Variants in KCNMB4 observed in about 807,000 individuals in gnomAD.
KCNMB4 encodes calcium-activated potassium channel subunit beta-4.
In KCNMB4, 3 loss-of-function variants were observed where a neutral mutation model predicts 20.7. The ratio of observed to expected loss-of-function variants is 0.14; its 90% confidence interval spans 0.07 to 0.37. The LOEUF is 0.37. Ranked by LOEUF, KCNMB4 falls within the 10% of genes least tolerant of loss-of-function variation. The pLI is 1.00. For synonymous variants in KCNMB4, 110 were observed against 113.4 expected (o/e 0.97, Z 0.19); for missense variants, 168 against 265.9 (o/e 0.63, Z 2.56).
intron 1 of KCNMB4, among the ~76,000 whole-genome samples, chr12:70,392,008 A>G (rs1280503885): frequency 6.6e-6 from 1 of 152,140 alleles, no homozygotes; most frequent in Admixed American, 6.5e-5. Context: ...TATCATCACC[A>G]TACTGGTTCT....
chr12:70,375,690 C>G (rs1883673275), intron 1 of KCNMB4, among the ~76,000 whole-genome samples: 1 of 152,066 alleles, frequency 6.6e-6, no homozygotes, highest in South Asian at 2.1e-4. Context: ...CCCAATAAAT[C>G]AAAAGCTCTA....
chr12:70,429,018 AT>A (rs1255933323), intron 2 of KCNMB4, among the ~76,000 whole-genome samples: 1 of 152,238 alleles, frequency 6.6e-6, no homozygotes, highest in Non-Finnish European at 1.5e-5. Context: ...AAAGGAAAAA[AT>A]GCAAGGATTT....
chr12:70,398,488 A>G (rs182163452), intron 1 of KCNMB4, among the ~76,000 whole-genome samples: 5 of 152,256 alleles, frequency 3.3e-5, no homozygotes, highest in Admixed American at 3.3e-4. Context: ...TTAGCTTCGT[A>G]TTATTGTTAT....
intron 1 of KCNMB4, among the ~76,000 whole-genome samples, chr12:70,397,180 A>G (rs1868361380): frequency 6.6e-6 from 1 of 152,104 alleles, no homozygotes; most frequent in Admixed American, 6.6e-5. Flanking sequence ...CAAAGGAGAC[A>G]GACACCTTCT....
At chr12:70,388,177 A>G (rs1226374444) in intron 1 of KCNMB4, among the ~76,000 whole-genome samples, 4 of 152,138 alleles carry the variant, frequency 2.6e-5, no homozygotes, top group Non-Finnish European at 4.4e-5. Context: ...TTATAGCTCA[A>G]TAGTACTCTA....
At chr12:70,370,680 T>G (rs1452770727) in intron 1 of KCNMB4, among the ~76,000 whole-genome samples, 1 of 151,906 alleles carries the variant, frequency 6.6e-6, no homozygotes, top group African/African-American at 2.4e-5. Flanking sequence ...TTAAAATTAT[T>G]ATGTAAATAA....
At chr12:70,375,479 TAAA>T (rs72220922) in intron 1 of KCNMB4, among the ~76,000 whole-genome samples, 3 of 146,976 alleles carry the variant, frequency 2.0e-5, no homozygotes, top group Non-Finnish European at 4.5e-5. Context: ...CTACAAAAAT[TAAA>T]AAAAAAAAAA....
chr12:70,427,976 A>G (rs1164471221), intron 2 of KCNMB4, among the ~76,000 whole-genome samples: 1 of 152,198 alleles, frequency 6.6e-6, no homozygotes, highest in Non-Finnish European at 1.5e-5. Context: ...AAAAAATCCA[A>G]GTCCCTCACC....
chr12:70,418,229 T>G (rs1205779855), intron 2 of KCNMB4, among the ~76,000 whole-genome samples: 5 of 152,080 alleles, frequency 3.3e-5, no homozygotes, highest in Non-Finnish European at 7.4e-5. Flanking sequence ...ATATTTTGGG[T>G]GCATCAGTAT....
chr12:70,374,913 A>G (rs1883659482), intron 1 of KCNMB4, among the ~76,000 whole-genome samples: 1 of 152,158 alleles, frequency 6.6e-6, no homozygotes, highest in South Asian at 2.1e-4. Context: ...AATTTAGTCC[A>G]TTTTGTTCTT....
At chr12:70,426,518 A>G (rs2136144067) in intron 2 of KCNMB4, among the ~76,000 whole-genome samples, 1 of 152,326 alleles carries the variant, frequency 6.6e-6, no homozygotes, top group African/African-American at 2.4e-5. Context: ...ATAGTAAATC[A>G]AGGGTTGAAA....
chr12:70,416,665 A>C (rs1173001833), intron 2 of KCNMB4, among the ~76,000 whole-genome samples: 4 of 152,222 alleles, frequency 2.6e-5, no homozygotes, highest in African/African-American at 4.8e-5. Context: ...TACTTTGCAA[A>C]GGCATTTCAA....
At chr12:70,371,528 A>G (rs1339494465) in intron 1 of KCNMB4, among the ~76,000 whole-genome samples, 2 of 152,234 alleles carry the variant, frequency 1.3e-5, no homozygotes, top group Non-Finnish European at 2.9e-5. Flanking sequence ...TCAGAACTAC[A>G]TGATAAAAGG....
At chr12:70,422,873 C>CT (rs763965345) in intron 2 of KCNMB4, 20 of 1,166,712 alleles carry the variant, frequency 1.7e-5, no homozygotes, top group Non-Finnish European at 2.0e-5. Context: ...TTTAAAAAGT[C>CT]TATTACTCTG....
intron 1 of KCNMB4, among the ~76,000 whole-genome samples, chr12:70,388,125 G>A (rs376863128): frequency 6.6e-6 from 1 of 151,998 alleles, no homozygotes; most frequent in Non-Finnish European, 1.5e-5. Flanking sequence ...ATGATCTCCA[G>A]TTCCGTCCAT....
At chr12:70,377,247 A>T (rs1039169853) in intron 1 of KCNMB4, among the ~76,000 whole-genome samples, 2 of 152,208 alleles carry the variant, frequency 1.3e-5, no homozygotes, top group Non-Finnish European at 2.9e-5. Context: ...CAAAATGGAA[A>T]GATTCACATT....
At chr12:70,378,064 G>A (rs370674879) in intron 1 of KCNMB4, among the ~76,000 whole-genome samples, 9 of 150,852 alleles carry the variant, frequency 6.0e-5, no homozygotes, top group Admixed American at 1.3e-4. Flanking sequence ...ACTCTCCTGC[G>A]TCAGCCTCCT....
Position 70,380,558 on chromosome 12 carries a change from A to G in KCNMB4, c.336+13488A>G, listed in dbSNP as rs377449645. Reference sequence around the variant, plus strand: ...CACAATAAAGCAAGCAATAAAACGAAGTGTGCCTGTACAACAAAGCTACAG... The same window carrying G: ...CACAATAAAGCAAGCAATAAAACGAGGTGTGCCTGTACAACAAAGCTACAG... On this transcript the variant is annotated intron_variant, in intron 1 of 2. Coordinates refer to ENST00000258111, the MANE Select transcript of KCNMB4 (RefSeq NM_014505.6). Among the ~76,000 whole-genome samples, 100 of 152,118 alleles carry G rather than the reference A, an allele frequency of 6.6e-4. 1 individual carries two copies. Among genetic ancestry groups the G allele is most frequent in the African/African-American group, 2.4e-3 (98 of 41,512 alleles).
At chr12:70,367,093 G>C in intron 1 of KCNMB4, 23 bp downstream of exon 1, 6 of 1,485,076 alleles carry the variant, frequency 4.0e-6, no homozygotes, top group Non-Finnish European at 5.4e-6. Flanking sequence ...CGCGCACCCA[G>C]GGGCTCCCCG....
Sources: gnomAD v4.1 joint callset for allele counts (sites outside exome capture counted in the v4.1 genomes callset) on GRCh38, gnomAD v4.1.1 for gene constraint, MANE v1.5 for transcripts, NCBI Gene and HGNC (gene_info 2026-07-23, HGNC 2026-07-21) for gene names.